NELL2: variants seen among roughly 807,000 people sequenced by gnomAD.
The protein encoded by NELL2 is protein kinase C-binding protein NELL2.
NELL2 carries 41 observed loss-of-function variants against 109.6 expected under a neutral mutation model. The observed-to-expected ratio is 0.37, with a 90% confidence interval of 0.29 to 0.49. The LOEUF (loss-of-function observed/expected upper bound fraction) is 0.49. Ranked by LOEUF, NELL2 falls within the 20% of genes least tolerant of loss-of-function variation. The pLI is 0.98. For missense variants in NELL2, 900 were observed against 1,008.3 expected, an observed-to-expected ratio of 0.89 and a Z score of 1.45; for synonymous variants, 355 against 344.7, an observed-to-expected ratio of 1.03 and a Z score of -0.33.
At chr12:44,791,968 A>C (rs1166215730) in intron 3 of NELL2, among the ~76,000 whole-genome samples, 1 of 152,016 alleles carries the variant, frequency 6.6e-6, no homozygotes, top group Non-Finnish European at 1.5e-5. Context: ...CAAAAAAAAA[A>C]AGGCACTTTG....
chr12:44,827,411 GT>G (rs35241789), intron 2 of NELL2, among the ~76,000 whole-genome samples: 17,434 of 126,370 alleles, frequency 0.14, 998 homozygotes, highest in East Asian at 0.35. Flanking sequence ...TCTTCTAACT[GT>G]TTTTTTTTTT....
rs111436867 is a variant in NELL2 at position 44,919,589 on chromosome 12, T to C, written c.-32+2201A>G. On this transcript the variant is annotated intron_variant, in intron 1 of 9. Transcript: ENST00000552993. ...GGAAATTTAGACAGAGACAGAGATA[T>C]GAGCACAGAGAGAATGCTGTGTGAA... Among the ~76,000 whole-genome samples the C allele has an allele frequency of 2.6e-5, 4 of 152,216 alleles. No individual in the cohort carries two copies. The East Asian group carries it at 5.8e-4, about 22-fold the overall frequency.
At chr12:44,634,926 T>G (rs1390667102) in intron 13 of NELL2, among the ~76,000 whole-genome samples, 1 of 152,134 alleles carries the variant, frequency 6.6e-6, no homozygotes, top group East Asian at 1.9e-4. Context: ...TCCAGCTTCA[T>G]CTATGTCCCT....
At chr12:44,609,091 G>A (rs920599524) in intron 14 of NELL2, among the ~76,000 whole-genome samples, 1 of 151,642 alleles carries the variant, frequency 6.6e-6, no homozygotes, top group African/African-American at 2.4e-5. Flanking sequence ...TTTTGAGTTA[G>A]GTTTTGTACA....
chr12:44,807,033 T>C (rs1000241715), intron 3 of NELL2, among the ~76,000 whole-genome samples: 11 of 151,558 alleles, frequency 7.3e-5, no homozygotes, highest in Non-Finnish European at 4.4e-5. Context: ...AAAAATTATA[T>C]TTTTACAAAG....
In NELL2 at chr12:44,517,371, TTCTCTCTCTCTCTCTCTC is replaced by T. The variant is rs71093810; in HGVS notation, c.2400+2616_2400+2633del. 1.4e-3 allele frequency among the ~76,000 whole-genome samples: 146 copies of T among 102,504 alleles called. No homozygotes were observed. The South Asian group carries it at 0.029, about 20-fold the overall frequency. The allele number at this position is 102,504 out of a possible 152,430, so 67.2% of individuals were successfully genotyped here. On this transcript the variant is annotated intron_variant, in intron 19 of 19. Transcript: ENST00000429094. ...GTCTGGTACCTACCCACCAACTACT[TTCTCTCTCTCTCTCTCTC>T]TCTCTCTCTCTCTCTCTCTCTCTCT...
chr12:44,698,887 G>A, intron 12 of NELL2, among the ~76,000 whole-genome samples: 1 of 152,126 alleles, frequency 6.6e-6, no homozygotes, highest in East Asian at 1.9e-4. Context: ...CTTCTTCATT[G>A]TAATGCGCTA....
intron 15 of NELL2, among the ~76,000 whole-genome samples, chr12:44,590,884 T>C (rs1565980791): frequency 6.7e-6 from 1 of 149,352 alleles, no homozygotes; most frequent in East Asian, 2.0e-4. Context: ...AAGGAATTAA[T>C]ATGCAGAATA....
At chr12:44,613,835 T>C (rs1945716919) in intron 13 of NELL2, among the ~76,000 whole-genome samples, 1 of 152,058 alleles carries the variant, frequency 6.6e-6, no homozygotes, top group African/African-American at 2.4e-5. Context: ...CCAGTTTTGG[T>C]CAAATGTCAA....
At chr12:44,726,400 G>A (rs879365899) in intron 9 of NELL2, among the ~76,000 whole-genome samples, 9 of 152,118 alleles carry the variant, frequency 5.9e-5, no homozygotes, top group Non-Finnish European at 1.2e-4. Context: ...CCTAAAGTGG[G>A]TGATGCAATG....
intron 12 of NELL2, among the ~76,000 whole-genome samples, chr12:44,682,486 C>A (rs1334727497): frequency 7.2e-5 from 11 of 152,068 alleles, no homozygotes; most frequent in Admixed American, 2.6e-4. Context: ...GACATGAAGT[C>A]CTTGCCCATG....
intron 1 of NELL2, among the ~76,000 whole-genome samples, chr12:44,920,184 G>T (rs951956913): frequency 1.3e-5 from 2 of 152,014 alleles, no homozygotes; most frequent in African/African-American, 4.8e-5. Context: ...TAAAGTAGAA[G>T]AATAAACGGG....
chr12:44,630,235 T>C (rs901191018), intron 13 of NELL2, among the ~76,000 whole-genome samples: 4 of 152,202 alleles, frequency 2.6e-5, no homozygotes, highest in African/African-American at 9.6e-5. Flanking sequence ...CTATAAAATA[T>C]AAGTTACTTT....
intron 13 of NELL2, among the ~76,000 whole-genome samples, chr12:44,634,660 T>C (rs983234380): frequency 1.3e-5 from 2 of 152,220 alleles, no homozygotes; most frequent in Admixed American, 6.5e-5. Flanking sequence ...TATATTAGAA[T>C]GATTAATAAT....
intron 15 of NELL2, among the ~76,000 whole-genome samples, chr12:44,567,955 A>G (rs1943723111): frequency 1.3e-5 from 2 of 152,322 alleles, no homozygotes; most frequent in African/African-American, 4.8e-5. Flanking sequence ...AGGGGTATAC[A>G]GGTAAACAGA....
intron 9 of NELL2, among the ~76,000 whole-genome samples, chr12:44,734,140 A>G (rs1939516572): frequency 1.3e-5 from 2 of 151,832 alleles, no homozygotes; most frequent in East Asian, 3.9e-4. Context: ...AATTCTGTCA[A>G]TTTTCTTAAA....
chr12:44,874,178 GTGGTTTCCTTT>G (rs1186513077), intron 2 of NELL2, among the ~76,000 whole-genome samples: 4 of 152,058 alleles, frequency 2.6e-5, no homozygotes, highest in African/African-American at 9.7e-5. Context: ...ATTTTCCGAA[GTGGTTTCCTTT>G]TGCATATCCA....
intron 13 of NELL2, among the ~76,000 whole-genome samples, chr12:44,614,451 T>G (rs1242480523): frequency 6.6e-6 from 1 of 152,076 alleles, no homozygotes; most frequent in African/African-American, 2.4e-5. Context: ...TATTTTTCCC[T>G]GTGTGTCATA....
chr12:44,791,935 A>T (rs1942450656), intron 3 of NELL2, among the ~76,000 whole-genome samples: 1 of 147,276 alleles, frequency 6.8e-6, no homozygotes, highest in Non-Finnish European at 1.5e-5. Context: ...AAGCATAGGG[A>T]TTCCCTAGGG....
Sources: allele counts gnomAD v4.1 joint callset (sites outside exome capture counted in the v4.1 genomes callset), GRCh38; gene constraint gnomAD v4.1.1; transcripts MANE v1.5; gene names NCBI Gene and HGNC (gene_info 2026-07-23, HGNC 2026-07-21).